TLR4: variants seen among roughly 807,000 people sequenced by gnomAD.
The protein encoded by TLR4 is toll-like receptor 4.
Under a neutral mutation model 27.4 loss-of-function variants are expected in TLR4, and 17 were observed. The ratio of observed to expected loss-of-function variants is 0.62; its 90% CI spans 0.42 to 0.93. The LOEUF (loss-of-function observed/expected upper bound fraction) is 0.93. TLR4 is among the 40% of genes least tolerant of loss of function. The probability of loss-of-function intolerance (pLI) is 0.00; values close to 1 mark genes in which losing one functional copy is unlikely to be tolerated. For missense variants in TLR4, 926 were observed against 962.3 expected (o/e 0.96, Z 0.50); for synonymous variants, 363 against 365.7 (o/e 0.99, Z 0.08).
chr9:117,711,715 A>G (rs879446628), intron 2 of TLR4, among the ~76,000 whole-genome samples: 6 of 152,106 alleles, frequency 3.9e-5, no homozygotes, highest in Non-Finnish European at 8.8e-5. Flanking sequence ...AAGTGTTCTC[A>G]GAGAAACCTA....
Position 117,708,610 on chromosome 9 carries a change from A to G in TLR4, c.141A>G (p.Lys47=), listed in dbSNP as rs1410888763. 1 of 1,613,874 alleles carries G rather than the reference A, an allele frequency of 6.2e-7. No individual in the cohort carries two copies. The change falls in exon 2 of 3, where the codon AAA becomes AAG. Residue 47 remains lysine (K), a synonymous_variant. Transcript: ENST00000355622. Reference sequence around the variant, plus strand: ...AATGCATGGAGCTGAATTTCTACAAAATCCCCGACAACCTCCCCTTCTCAA... The same window carrying G: ...AATGCATGGAGCTGAATTTCTACAAGATCCCCGACAACCTCCCCTTCTCAA... ...TYQCMELNFY[K]IPDNLPFSTK... is the part of the protein sequence containing the mutation.
chr9:117,710,624 G>A (rs1829216367), intron 2 of TLR4, among the ~76,000 whole-genome samples: 1 of 151,976 alleles, frequency 6.6e-6, no homozygotes, highest in African/African-American at 2.4e-5. Flanking sequence ...ATTAGGGCAA[G>A]CACAAAAGAT....
chr9:117,713,205 T>C lies in TLR4; in HGVS notation c.1077T>C (p.Thr359=). The C allele has an allele frequency of 6.2e-7, 1 of 1,614,056 alleles. No homozygotes were observed. The part of the protein sequence containing the change: ...KLKSLKRLTF[T]SNKGGNAFSE... Reference sequence around the variant, plus strand: ...AATCTCTCAAAAGGCTTACTTTCACTTCCAACAAAGGTGGGAATGCTTTTT... The same window carrying C: ...AATCTCTCAAAAGGCTTACTTTCACCTCCAACAAAGGTGGGAATGCTTTTT... The change falls in exon 3 of 3, where the codon ACT becomes ACC. Residue 359 remains threonine (T), a synonymous_variant. Coordinates refer to ENST00000355622, the MANE Select transcript of TLR4 (RefSeq NM_138554.5).
Position 117,714,507 on chromosome 9 carries a change from T to A in TLR4, c.2379T>A (p.Thr793=), listed in dbSNP as rs147222022. The part of the protein sequence containing the change: ...VELYRLLSRN[T]YLEWEDSVLG... ...TGTACCGCCTTCTCAGCAGGAACACTTACCTGGAGTGGGAGGACAGTGTCC... is the reference window on the plus strand; with the variant it reads ...TGTACCGCCTTCTCAGCAGGAACACATACCTGGAGTGGGAGGACAGTGTCC... Residue 793 remains threonine (T), a synonymous_variant, in exon 3 of 3, where the codon ACT becomes ACA. Transcript: ENST00000355622. 2 of 1,613,698 alleles carry A rather than the reference T, an allele frequency of 1.2e-6. No homozygotes were observed. The highest frequency in any genetic ancestry group is 1.7e-6 in the Non-Finnish European group (2 of 1,180,000).
At chr9:117,708,893 A>G (rs1340477840) in intron 2 of TLR4, 164 bp downstream of exon 2, 5 of 823,410 alleles carry the variant, frequency 6.1e-6, no homozygotes, top group African/African-American at 5.1e-5. Flanking sequence ...AGCTACCTCT[A>G]TTCTCCAGGT....
intron 1 of TLR4, 44 bp from the exon 2 acceptor site, chr9:117,708,519 G>A: frequency 6.2e-7 from 1 of 1,612,612 alleles, no homozygotes; most frequent in Non-Finnish European, 8.5e-7. Flanking sequence ...GGAGTTGGGA[G>A]ACCATGCAGT....
Position 117,721,467 on chromosome 9 carries a change from C to G in TLR4, c.*6819C>G, listed in dbSNP as rs896021693. On this transcript the variant is annotated 3_prime_UTR_variant, in exon 3 of 3. Transcript: ENST00000355622. ...CTTCATTTTGACAAAGAATTCCAGG[C>G]AGTCTACAGCTGATTTTATTTCAAT... The G allele has an allele frequency of 3.3e-5, 5 of 152,198 alleles. No individual in the cohort carries two copies. The highest frequency in any genetic ancestry group is 1.2e-4 in the African/African-American group (5 of 41,436). The allele number at this position is 152,198 out of a possible 1,614,324, so 9.4% of individuals were successfully genotyped here.
Position 117,713,408 on chromosome 9 carries a change from T to G in TLR4, c.1280T>G (p.Leu427Arg). ...NFLGLEQLEHLDFQHSNLKQM... is the reference protein window; with the variant it reads ...NFLGLEQLEHRDFQHSNLKQM... ...TTGGGCTTAGAACAACTAGAACATCTGGATTTCCAGCATTCCAATTTGAAA... is the reference window on the plus strand; with the variant it reads ...TTGGGCTTAGAACAACTAGAACATCGGGATTTCCAGCATTCCAATTTGAAA... Residue 427 changes from leucine (L) to arginine (R), a missense_variant, in exon 3 of 3, where the codon CTG (leucine) becomes CGG (arginine). Coordinates refer to ENST00000355622, the MANE Select transcript of TLR4 (RefSeq NM_138554.5). 1.2e-6 allele frequency: 2 copies of G among 1,614,082 alleles called. No homozygotes were observed. Among genetic ancestry groups the G allele is most frequent in the Non-Finnish European group, 1.7e-6 (2 of 1,179,958 alleles).
Position 117,713,190 on chromosome 9 carries a change from A to C in TLR4, c.1062A>C (p.Lys354Asn), listed in dbSNP as rs56070048. 1 of 1,614,008 alleles carries C rather than the reference A, an allele frequency of 6.2e-7. No homozygotes were observed. The highest frequency in any genetic ancestry group is 8.5e-7 in the Non-Finnish European group (1 of 1,179,962). The change falls in exon 3 of 3, where the codon AAA (lysine) becomes AAC (asparagine). Residue 354 changes from lysine (K) to asparagine (N), a missense_variant. Coordinates refer to ENST00000355622, the MANE Select transcript of TLR4 (RefSeq NM_138554.5). Reference protein sequence around the residue: ...QFPTLKLKSLKRLTFTSNKGG... With the variant: ...QFPTLKLKSLNRLTFTSNKGG... Reference sequence around the variant, plus strand: ...CCACATTGAAACTCAAATCTCTCAAAAGGCTTACTTTCACTTCCAACAAAG... The same window carrying C: ...CCACATTGAAACTCAAATCTCTCAACAGGCTTACTTTCACTTCCAACAAAG...
In TLR4 at chr9:117,716,106, G is replaced by A. The variant is rs200415520; in HGVS notation, c.*1458G>A. ...AAATTGGAACCCTTCTTCACTGCTG[G>A]AGGGAATGGAAAATGGTGTAGCCGT... On this transcript the variant is annotated 3_prime_UTR_variant, in exon 3 of 3. Coordinates refer to ENST00000355622, the MANE Select transcript of TLR4 (RefSeq NM_138554.5). The A allele has an allele frequency of 6.6e-6, 1 of 152,130 alleles. No homozygotes were observed. Among genetic ancestry groups the A allele is most frequent in the African/African-American group, 2.4e-5 (1 of 41,422 alleles). 9.4% of individuals were successfully genotyped at this position (152,130 alleles called of 1,614,324 possible).
Position 117,712,503 on chromosome 9 carries a change from A to G in TLR4, c.375A>G (p.Leu125=), listed in dbSNP as rs199704553. 2.4e-4 allele frequency: 385 copies of G among 1,613,874 alleles called. 1 individual carries two copies. Among genetic ancestry groups the G allele is most frequent in the Non-Finnish European group, 3.1e-4 (364 of 1,179,928 alleles). Residue 125 remains leucine (L), a synonymous_variant, in exon 3 of 3, where the codon CTA becomes CTG. Transcript: ENST00000355622. ...QSLALGAFSG[L]SSLQKLVAVE... Reference sequence around the variant, plus strand: ...TAGCCCTGGGAGCCTTTTCTGGACTATCAAGTTTACAGAAGCTGGTGGCTG... The same window carrying G: ...TAGCCCTGGGAGCCTTTTCTGGACTGTCAAGTTTACAGAAGCTGGTGGCTG...
rs1452331692 is a variant in TLR4 at position 117,718,853 on chromosome 9, G to A, written c.*4205G>A. 3 of 152,166 alleles carry A rather than the reference G, an allele frequency of 2.0e-5. No individual in the cohort carries two copies. The highest frequency in any genetic ancestry group is 7.2e-5 in the African/African-American group (3 of 41,438). The allele number at this position is 152,166 out of a possible 1,614,324, so 9.4% of individuals were successfully genotyped here. On this transcript the variant is annotated 3_prime_UTR_variant, in exon 3 of 3. Transcript: ENST00000355622. ...GTAATTGCTATTTTTCCAGCCTGTG[G>A]AACCACAGAAGTGACTGTAACTAAA...
chr9:117,710,068 G>A (rs1047547441), intron 2 of TLR4, among the ~76,000 whole-genome samples: 9 of 151,828 alleles, frequency 5.9e-5, no homozygotes, highest in African/African-American at 2.2e-4. Flanking sequence ...ATTTCATTAG[G>A]TTTTTAAAAT....
intron 2 of TLR4, among the ~76,000 whole-genome samples, chr9:117,712,081 A>C (rs1180265230): frequency 6.6e-6 from 1 of 152,148 alleles, no homozygotes; most frequent in Non-Finnish European, 1.5e-5. Flanking sequence ...TCAACTGCAC[A>C]ATCTTTATAT....
chr9:117,711,840 T>C (rs1035569253), intron 2 of TLR4, among the ~76,000 whole-genome samples: 2 of 152,214 alleles, frequency 1.3e-5, no homozygotes, highest in African/African-American at 2.4e-5. Context: ...TTACCTCTGA[T>C]AACAAGAACT....
In TLR4 at chr9:117,715,085, T is replaced by TACTTGATG. The variant is rs1829320159; in HGVS notation, c.*441_*448dup. 4.9e-6 allele frequency: 1 copy of TACTTGATG among 205,080 alleles called. No individual in the cohort carries two copies. The highest frequency in any genetic ancestry group is 1.0e-5 in the Non-Finnish European group (1 of 98,768). The allele number at this position is 205,080 out of a possible 1,614,324, so 12.7% of individuals were successfully genotyped here. A position where few individuals can be genotyped will look rare whatever the true frequency, so the allele number is the denominator to read the frequency against. On this transcript the variant is annotated 3_prime_UTR_variant, in exon 3 of 3. Transcript: ENST00000355622. Reference sequence around the variant, plus strand: ...TTTTGATTGAATACAATTTAAATTCTACTTGATGACTGCAGTCGTCAAGGG... The same window carrying TACTTGATG: ...TTTTGATTGAATACAATTTAAATTCTACTTGATGACTTGATGACTGCAGTCGTCAAGGG...
At chr9:117,709,216 T>C (rs1829189355) in intron 2 of TLR4, among the ~76,000 whole-genome samples, 1 of 152,116 alleles carries the variant, frequency 6.6e-6, no homozygotes, top group Non-Finnish European at 1.5e-5. Context: ...ATCTGGAAAC[T>C]GATATAAAGA....
At position 117,723,815 on chromosome 9, in the gene TLR4, A is replaced by T. The variant is rs1829449326; in HGVS notation, c.*9167A>T. 6.6e-6 allele frequency: 1 copy of T among 152,180 alleles called. No individual in the cohort carries two copies. The highest frequency in any genetic ancestry group is 1.5e-5 in the Non-Finnish European group (1 of 68,036). 9.4% of individuals were successfully genotyped at this position (152,180 alleles called of 1,614,324 possible). The stretch of plus-strand genomic sequence containing the variant: ...TCTCTAAACTCAAGCACTTTTGTGG[A>T]CTAATCCTTGCAATTATTCTTTCTT... On this transcript the variant is annotated 3_prime_UTR_variant, in exon 3 of 3. Coordinates refer to ENST00000355622, the MANE Select transcript of TLR4 (RefSeq NM_138554.5).
rs5030720 is a variant in TLR4, at chr9:117,713,907, G to A, written c.1779G>A (p.Trp593Ter). ...GTGAACACCAGAGTTTCCTGCAATG[G>A]ATCAAGGACCAGAGGCAGCTCTTGG... ...CTCEHQSFLQ[W>*]IKDQRQLLVE... The change falls in exon 3 of 3, where the codon TGG becomes TGA. Residue 593 changes from tryptophan (W) to a stop codon, truncating the protein, a stop_gained. Transcript: ENST00000355622. LOFTEE classifies it high-confidence loss of function. The A allele has an allele frequency of 6.1e-5, 99 of 1,614,000 alleles. No homozygotes were observed. Among genetic ancestry groups the A allele is most frequent in the Non-Finnish European group, 6.9e-5 (82 of 1,179,990 alleles).
Sources: gnomAD v4.1 joint callset for allele counts (sites outside exome capture counted in the v4.1 genomes callset) on GRCh38, gnomAD v4.1.1 for gene constraint, MANE v1.5 for transcripts, NCBI Gene and HGNC (gene_info 2026-07-23, HGNC 2026-07-21) for gene names.